The following MYH7B variants were observed in gnomAD, a reference collection of about 807,000 sequenced individuals.
MYH7B encodes the protein myosin-7B.
MYH7B carries 205 observed loss-of-function variants against 234.5 expected under a neutral mutation model. The ratio of observed to expected loss-of-function variants is 0.87; its 90% CI spans 0.78 to 0.98. MYH7B has a LOEUF of 0.98. Ranked by LOEUF, MYH7B falls within the 50% of genes least tolerant of loss-of-function variation. The pLI is 0.00. For missense variants in MYH7B, 2,652 were observed against 2,633.4 expected (o/e 1.01, Z -0.15); for synonymous variants, 1,193 against 1,105.0 (o/e 1.08, Z -1.58).
chr20:34,980,089 G>A lies in MYH7B; in HGVS notation c.342+285G>A, dbSNP rs1379464698. 11 of 486,028 alleles carry A rather than the reference G, an allele frequency of 2.3e-5. No homozygotes were observed. The East Asian group carries it at 3.6e-4, about 16-fold the overall frequency. The allele number at this position is 486,028 out of a possible 1,614,324, so 30.1% of individuals were successfully genotyped here. A position where few individuals can be genotyped will look rare whatever the true frequency, so the allele number is the denominator to read the frequency against. ...CACCTGCGGACTATGGAGGCCGTGC[G>A]TGTGGGCTGGGGCAGGGCTGTGAGC... On this transcript the variant is annotated intron_variant, in intron 7 of 44. Transcript: ENST00000262873.
chr20:34,994,068 C>A, intron 26 of MYH7B, 78 bp from the exon 27 acceptor site: 1 of 1,552,270 alleles, frequency 6.4e-7, no homozygotes, highest in Non-Finnish European at 8.8e-7. Context: ...GAAGGCAAAA[C>A]AAGTGAACTG....
At chr20:34,963,135 C>G (rs1300902422) in intron 2 of MYH7B, among the ~76,000 whole-genome samples, 1 of 152,204 alleles carries the variant, frequency 6.6e-6, no homozygotes, top group Non-Finnish European at 1.5e-5. Context: ...AATTGTTATA[C>G]TGTATTGTTT....
chr20:34,972,949 AT>A (rs534368229), intron 2 of MYH7B, among the ~76,000 whole-genome samples: 1 of 152,174 alleles, frequency 6.6e-6, no homozygotes, highest in African/African-American at 2.4e-5. Context: ...TTTTAAAAAT[AT>A]TTTTTTGTAG....
chr20:34,991,061 G>T (rs1271799335), exon 24 of MYH7B: 1 of 1,613,946 alleles, frequency 6.2e-7, no homozygotes, highest in Non-Finnish European at 8.5e-7. Flanking sequence ...GTCCTGGAGG[G>T]GATCCGGATC....
chr20:34,997,330 C>T lies in MYH7B; in HGVS notation c.3437C>T (p.Ala1146Val), dbSNP rs777685720. The T allele has an allele frequency of 1.0e-5, 16 of 1,546,742 alleles. No homozygotes were observed. The highest frequency in any genetic ancestry group is 6.0e-5 in the Admixed American group (3 of 50,340). ...CGCGTGGAGAAGCAGCGTGCAGAGG[C>T]GGCGCGGGAGCTGGAGGAGCTGAGC... is the stretch of plus-strand genomic sequence containing the variant. Residue 1146 changes from alanine (A) to valine (V), a missense_variant, in exon 32 of 45, where the codon GCG (alanine) becomes GTG (valine). Transcript: ENST00000262873.
exon 22 of MYH7B, chr20:34,990,275 G>C (rs756613850): frequency 2.5e-6 from 4 of 1,614,172 alleles, no homozygotes; most frequent in Non-Finnish European, 3.4e-6. Context: ...GCGTAAGAAG[G>C]CAGCATCGTT....
intron 7 of MYH7B, chr20:34,980,063 T>C: frequency 1.9e-6 from 1 of 528,360 alleles, no homozygotes; most frequent in Non-Finnish European, 3.4e-6. Flanking sequence ...GGTCTAGAAC[T>C]CACCTGCGGA....
intron 2 of MYH7B, among the ~76,000 whole-genome samples, chr20:34,973,494 C>T (rs1012987064): frequency 2.0e-5 from 3 of 152,190 alleles, no homozygotes; most frequent in Non-Finnish European, 4.4e-5. Context: ...CCTGGAGTCT[C>T]GCTCTCCTGA....
chr20:34,997,277 G>C (rs762169157), exon 32 of MYH7B: 2 of 1,557,986 alleles, frequency 1.3e-6, no homozygotes, highest in East Asian at 2.4e-5. Flanking sequence ...TGGAAGAGGA[G>C]CTGGAGGCAG....
chr20:34,959,962 G>T (rs1383152014), intron 2 of MYH7B, among the ~76,000 whole-genome samples: 2 of 152,164 alleles, frequency 1.3e-5, no homozygotes, highest in African/African-American at 4.8e-5. Flanking sequence ...GCTTGAAGAG[G>T]TATCCTGACT....
exon 39 of MYH7B, chr20:35,000,314 G>A (rs774544623): frequency 1.9e-6 from 3 of 1,589,272 alleles, no homozygotes; most frequent in Admixed American, 3.4e-5. Flanking sequence ...AGCGAGCTGT[G>A]GAGTCCCTGC....
chr20:34,998,594 G>A, exon 34 of MYH7B: 1 of 1,613,452 alleles, frequency 6.2e-7, no homozygotes, highest in Non-Finnish European at 8.5e-7. Context: ...CCAAAGCCTG[G>A]AAGAGTTGCG....
At chr20:34,960,919 G>A (rs902254008) in intron 2 of MYH7B, among the ~76,000 whole-genome samples, 2 of 152,138 alleles carry the variant, frequency 1.3e-5, no homozygotes, top group African/African-American at 4.8e-5. Flanking sequence ...CTATTTTACC[G>A]AGAAGAAACA....
chr20:35,001,198 G>T (rs750887644), intron 41 of MYH7B, 40 bp downstream of exon 41: 1 of 1,606,704 alleles, frequency 6.2e-7, no homozygotes, highest in East Asian at 2.2e-5. Flanking sequence ...AGGCAGGGTG[G>T]GTGACCCAGG....
chr20:34,988,902 A>T (rs931147418), intron 19 of MYH7B, among the ~76,000 whole-genome samples: 2 of 144,924 alleles, frequency 1.4e-5, no homozygotes. Context: ...CTTCGCCTCC[A>T]GGGTTCAAGC....
intron 3 of MYH7B, among the ~76,000 whole-genome samples, chr20:34,977,152 C>T (rs955109214): frequency 1.3e-5 from 2 of 148,916 alleles, no homozygotes; most frequent in African/African-American, 2.5e-5. Context: ...CCTTCTCTCT[C>T]CTTCTCTTTT....
At chr20:34,987,386 T>C in intron 16 of MYH7B, 99 bp downstream of exon 16, 1 of 1,524,504 alleles carries the variant, frequency 6.6e-7, no homozygotes, top group South Asian at 1.2e-5. Flanking sequence ...AACCTCAGTC[T>C]TACCTGGCCC....
intron 26 of MYH7B, among the ~76,000 whole-genome samples, chr20:34,993,805 G>A (rs1214748689): frequency 1.3e-5 from 2 of 152,260 alleles, no homozygotes; most frequent in East Asian, 1.9e-4. Flanking sequence ...AGAAACAGGC[G>A]CTGTGATGGC....
Position 34,977,921 on chromosome 20 carries a change from T to C in MYH7B, c.-72-13T>C. The C allele has an allele frequency of 1.9e-6, 3 of 1,613,200 alleles. No individual in the cohort carries two copies. Among genetic ancestry groups the C allele is most frequent in the Non-Finnish European group, 2.5e-6 (3 of 1,179,980 alleles). On this transcript the variant is annotated splice_polypyrimidine_tract_variant and intron_variant, in intron 4 of 44. Coordinates refer to ENST00000262873, the Ensembl canonical transcript of MYH7B. ...TGCCCTAGTTCAGCTCCCTTGTCAC[T>C]GCCATCTTCCAGTGCCTGCTGCCTT...
Sources: gnomAD v4.1 joint callset for allele counts (sites outside exome capture counted in the v4.1 genomes callset) on GRCh38, gnomAD v4.1.1 for gene constraint, MANE v1.5 for transcripts, NCBI Gene and HGNC (gene_info 2026-07-23, HGNC 2026-07-21) for gene names.